GPR158: variants seen among roughly 807,000 people sequenced by gnomAD.
GPR158 encodes metabotropic glycine receptor.
A neutral mutation model predicts 78.2 loss-of-function variants in GPR158; 30 were observed. The ratio of observed to expected loss-of-function variants is 0.38; its 90% CI spans 0.29 to 0.52. The LOEUF (loss-of-function observed/expected upper bound fraction) is 0.52, where lower values mean the gene tolerates loss of function less well. Among genes scored for constraint, GPR158 ranks in the 20% least tolerant of loss-of-function variants. GPR158 has a pLI of 0.83. For missense variants in GPR158, 1,463 were observed against 1,523.5 expected (o/e 0.96, Z 0.66); for synonymous variants, 581 against 591.1 (o/e 0.98, Z 0.25).
chr10:25,191,159 C>T (rs1388409296), intron 1 of GPR158, among the ~76,000 whole-genome samples: 2 of 152,084 alleles, frequency 1.3e-5, no homozygotes, highest in Non-Finnish European at 2.9e-5. Flanking sequence ...GTTAAAGAAC[C>T]AATGTTTTTA....
In GPR158 at chr10:25,176,155, C is replaced by T. The variant is rs1852528935; in HGVS notation, c.735C>T (p.Gly245=). 1 of 1,575,114 alleles carries T rather than the reference C, an allele frequency of 6.3e-7. No homozygotes were observed. The highest frequency in any genetic ancestry group is 1.9e-5 in the Admixed American group (1 of 52,376). ...GCGGCCCCAATCAGGGGCCCCGGGG[C>T]CTGGGCCACAGCTGGCGGCGCAAGG... The part of the protein sequence containing the change: ...HRRGPNQGPR[G]LGHSWRRKDG... Residue 245 remains glycine (G), a synonymous_variant, in exon 1 of 11, where the codon GGC becomes GGT. Transcript: ENST00000376351. The surrounding 1 kb of genome is among the most constrained non-coding windows in gnomAD (Gnocchi z 6.3).
intron 4 of GPR158, among the ~76,000 whole-genome samples, chr10:25,457,868 T>A (rs940297730): frequency 6.6e-6 from 1 of 152,206 alleles, no homozygotes; most frequent in Non-Finnish European, 1.5e-5. Context: ...CATTTAAGTG[T>A]GCACATTATT....
intron 1 of GPR158, among the ~76,000 whole-genome samples, chr10:25,186,400 C>CA (rs1215578448): frequency 1.3e-5 from 2 of 151,860 alleles, no homozygotes; most frequent in Non-Finnish European, 2.9e-5. Context: ...GATAGAGACA[C>CA]AAAAAACCCT....
At chr10:25,523,262 G>C (rs1446717644) in intron 5 of GPR158, among the ~76,000 whole-genome samples, 1 of 152,222 alleles carries the variant, frequency 6.6e-6, no homozygotes, top group Non-Finnish European at 1.5e-5. Context: ...GTTGGGAGAA[G>C]GGCTAGAAAT....
At chr10:25,448,459 C>G (rs1224488525) in intron 4 of GPR158, among the ~76,000 whole-genome samples, 4 of 152,138 alleles carry the variant, frequency 2.6e-5, no homozygotes, top group Admixed American at 6.5e-5. Flanking sequence ...TTTTTCCTTT[C>G]TATTTCCAAG....
intron 5 of GPR158, among the ~76,000 whole-genome samples, chr10:25,519,580 ATC>A (rs1836229549): frequency 7.3e-6 from 1 of 137,674 alleles, no homozygotes; most frequent in South Asian, 2.2e-4. Context: ...TGGTGACAAA[ATC>A]TCTCAGCATT....
chr10:25,350,089 C>T (rs1259078119), intron 2 of GPR158, among the ~76,000 whole-genome samples: 1 of 151,180 alleles, frequency 6.6e-6, no homozygotes, highest in African/African-American at 2.4e-5. Context: ...GAATTTTCAC[C>T]TTTAGCTTGT....
Position 25,551,975 on chromosome 10 carries a change from T to C in GPR158, c.1514+890T>C, listed in dbSNP as rs375369134. On this transcript the variant is annotated intron_variant, in intron 6 of 10. Transcript: ENST00000376351. ...AAATCTCCTAATATGGGTCATGCAGTGGTTTAATTACACTGTCTACCACGT... is the reference window on the plus strand; with the variant it reads ...AAATCTCCTAATATGGGTCATGCAGCGGTTTAATTACACTGTCTACCACGT... 1.4e-4 allele frequency among the ~76,000 whole-genome samples: 22 copies of C among 152,292 alleles called. No homozygotes were observed. The East Asian group carries it at 3.5e-3, about 24-fold the overall frequency.
intron 1 of GPR158, among the ~76,000 whole-genome samples, chr10:25,189,834 ATGTGTGTGTGTG>A (rs56205437): frequency 5.0e-5 from 6 of 120,538 alleles, no homozygotes; most frequent in Non-Finnish European, 8.6e-5. Flanking sequence ...AAAGGAAAGC[ATGTGTGTGTGTG>A]TGTGTGTGTG....
chr10:25,187,076 T>G (rs941251731), intron 1 of GPR158, among the ~76,000 whole-genome samples: 86 of 151,176 alleles, frequency 5.7e-4, no homozygotes, highest in African/African-American at 2.0e-3. Context: ...GCCATTTTCC[T>G]GCCTCAGCCT....
chr10:25,175,909 C>T lies in GPR158; in HGVS notation c.489C>T (p.Ser163=), dbSNP rs940891051. 4.3e-6 allele frequency: 7 copies of T among 1,613,706 alleles called. No homozygotes were observed. The highest frequency in any genetic ancestry group is 1.3e-5 in the African/African-American group (1 of 74,936). ...ATTGGTACCAGGCGCTGGTGTGGAG[C>T]CTTCTGGAGGGCGAGCCCAGCATCT... ...DLDWYQALVW[S]LLEGEPSISR... Residue 163 remains serine, a synonymous_variant, in exon 1 of 11, where the codon AGC becomes AGT. Coordinates refer to ENST00000376351, the MANE Select transcript of GPR158 (RefSeq NM_020752.3). This position sits in a 1 kb window ranked among gnomAD's most constrained non-coding sequence, Gnocchi z 6.4.
chr10:25,197,024 A>G (rs1564388631), intron 1 of GPR158, among the ~76,000 whole-genome samples: 1 of 152,138 alleles, frequency 6.6e-6, no homozygotes, highest in Admixed American at 6.6e-5. Context: ...ATCCTGGAGA[A>G]TTCTTTCAAA....
intron 7 of GPR158, among the ~76,000 whole-genome samples, chr10:25,583,940 G>A (rs1837235198): frequency 3.9e-5 from 6 of 152,136 alleles, no homozygotes; most frequent in Admixed American, 3.9e-4. Context: ...TAGGATCACA[G>A]AACTGGAGCA....
At chr10:25,367,650 G>A (rs1238307902) in intron 2 of GPR158, among the ~76,000 whole-genome samples, 2 of 63,778 alleles carry the variant, frequency 3.1e-5, no homozygotes, top group Non-Finnish European at 7.8e-5. Context: ...TCAGTAAGGT[G>A]GGGTTTTTGT....
In GPR158 at chr10:25,514,050, C is replaced by T. The variant is rs942863019; in HGVS notation, c.1405-36926C>T. On this transcript the variant is annotated intron_variant, in intron 5 of 10. Coordinates refer to ENST00000376351, the MANE Select transcript of GPR158 (RefSeq NM_020752.3). The stretch of plus-strand genomic sequence containing the variant: ...TGTTAAGTCCATTTGTTCTAAGGTA[C>T]GTTTAAATCCATTGTTTCTTTGTTG... 5.9e-5 allele frequency among the ~76,000 whole-genome samples: 9 copies of T among 152,124 alleles called. No homozygotes were observed. In the South Asian group the frequency reaches 8.3e-4, roughly 14 times the overall value.
At chr10:25,404,347 C>A (rs1834485062) in intron 3 of GPR158, among the ~76,000 whole-genome samples, 1 of 152,042 alleles carries the variant, frequency 6.6e-6, no homozygotes, top group African/African-American at 2.4e-5. Context: ...TTCATGATAG[C>A]ATGTTACTGT....
At chr10:25,569,199 A>G (rs972294156) in intron 6 of GPR158, among the ~76,000 whole-genome samples, 1 of 152,220 alleles carries the variant, frequency 6.6e-6, no homozygotes, top group Non-Finnish European at 1.5e-5. Context: ...TAGGGATCTG[A>G]CAATCTTGAA....
chr10:25,276,947 A>ATT (rs750990710), intron 2 of GPR158, among the ~76,000 whole-genome samples: 43 of 139,396 alleles, frequency 3.1e-4, no homozygotes, highest in African/African-American at 1.0e-3. Flanking sequence ...GCATCCAACT[A>ATT]TTTTTTTTTT....
intron 4 of GPR158, among the ~76,000 whole-genome samples, chr10:25,439,449 C>T (rs1226743498): frequency 6.6e-6 from 1 of 152,110 alleles, no homozygotes; most frequent in African/African-American, 2.4e-5. Context: ...TGGGAGAGGA[C>T]ACAGAGCCAA....
Sources: allele counts gnomAD v4.1 joint callset (sites outside exome capture counted in the v4.1 genomes callset), GRCh38; gene constraint gnomAD v4.1.1; non-coding constraint Gnocchi (gnomAD v3.1); transcripts MANE v1.5; gene names NCBI Gene and HGNC (gene_info 2026-07-23, HGNC 2026-07-21).